PCLO: variants seen among roughly 807,000 people sequenced by gnomAD.
PCLO encodes the protein piccolo presynaptic cytomatrix protein.
Under a neutral mutation model 427.5 loss-of-function variants are expected in PCLO, and 82 were observed. The observed-to-expected ratio is 0.19, with a 90% CI of 0.16 to 0.23. The LOEUF is 0.23. PCLO is among the 10% of genes least tolerant of loss of function. PCLO has a pLI of 1.00. For missense variants in PCLO, 6,239 were observed against 6,115.9 expected (o/e 1.02, Z -0.67); for synonymous variants, 2,357 against 2,155.4 (o/e 1.09, Z -2.59).
rs1790315577 is a variant in PCLO, at chr7:82,756,265, T to C, written c.*2310A>G. The C allele has an allele frequency of 6.6e-6, 1 of 152,054 alleles. No individual in the cohort carries two copies. The highest frequency in any genetic ancestry group is 1.5e-5 in the Non-Finnish European group (1 of 68,010). 9.4% of individuals were successfully genotyped at this position (152,054 alleles called of 1,614,324 possible). On this transcript the variant is annotated 3_prime_UTR_variant, in exon 25 of 25. Transcript: ENST00000333891. ...GAAGGAGATCTCCTTGGACCTTTTC[T>C]TCCCCAATTATGAGTGATGATTATA...
intron 20 of PCLO, among the ~76,000 whole-genome samples, chr7:82,811,079 A>G (rs1489801293): frequency 6.6e-6 from 1 of 151,632 alleles, no homozygotes; most frequent in East Asian, 1.9e-4. Context: ...GGAGTAATTT[A>G]TTATGTAGGT....
chr7:82,966,487 T>A lies in PCLO; in HGVS notation c.3301A>T (p.Ile1101Phe). 6.5e-7 allele frequency: 1 copy of A among 1,544,562 alleles called. No homozygotes were observed. Among genetic ancestry groups the A allele is most frequent in the Non-Finnish European group, 8.7e-7 (1 of 1,144,202 alleles). The change falls in exon 4 of 25, where the codon ATT (isoleucine) becomes TTT (phenylalanine). Residue 1101 changes from isoleucine (I) to phenylalanine (F), a missense_variant and splice_region_variant. Transcript: ENST00000333891. ...GFNPTPHLTE[I>F]QEWLCLNCQT... ...CAATTTAAACAAAGCCATTCTTGAA[T>A]CTGTGGGAAAAAAATTACAATGAAC...
chr7:82,899,637 A>G (rs1793992724), intron 9 of PCLO, among the ~76,000 whole-genome samples: 1 of 151,568 alleles, frequency 6.6e-6, no homozygotes, highest in African/African-American at 2.4e-5. Flanking sequence ...GTACATTACT[A>G]GCAAATTTAT....
intron 22 of PCLO, among the ~76,000 whole-genome samples, chr7:82,800,351 C>G (rs951557382): frequency 8.5e-5 from 13 of 152,210 alleles, no homozygotes; most frequent in Admixed American, 2.6e-4. Flanking sequence ...CTTGTGATAA[C>G]ACACCCATTA....
intron 21 of PCLO, among the ~76,000 whole-genome samples, chr7:82,802,940 T>A (rs568202068): frequency 6.6e-6 from 1 of 152,106 alleles, no homozygotes; most frequent in South Asian, 2.1e-4. Flanking sequence ...AATTCTAGGT[T>A]AAAGGTTTAA....
chr7:82,817,666 G>A (rs770001152), intron 20 of PCLO, among the ~76,000 whole-genome samples: 7 of 152,100 alleles, frequency 4.6e-5, no homozygotes, highest in Non-Finnish European at 7.3e-5. Context: ...TATTGAAAGC[G>A]GAGTTTCCAG....
chr7:82,821,273 G>A, intron 20 of PCLO: 1 of 986,744 alleles, frequency 1.0e-6, no homozygotes, highest in Non-Finnish European at 1.2e-6. Flanking sequence ...GGCATGATTA[G>A]ACTGACCGCT....
chr7:82,839,840 G>A (rs1226402938), intron 14 of PCLO, among the ~76,000 whole-genome samples: 1 of 152,018 alleles, frequency 6.6e-6, no homozygotes, highest in African/African-American at 2.4e-5. Context: ...CTCCAGTGCT[G>A]ATAGATTCAT....
At chr7:83,125,246 G>C (rs1260307550) in intron 3 of PCLO, among the ~76,000 whole-genome samples, 1 of 151,752 alleles carries the variant, frequency 6.6e-6, no homozygotes, top group African/African-American at 2.4e-5. Context: ...GCCTCTGCCC[G>C]GCCGCCACCC....
At chr7:83,121,052 G>A (rs1791264144) in intron 3 of PCLO, among the ~76,000 whole-genome samples, 1 of 152,102 alleles carries the variant, frequency 6.6e-6, no homozygotes, top group Admixed American at 6.6e-5. Flanking sequence ...GGGAGGCCGA[G>A]GTGGGCAGAT....
rs917346340 is a variant in PCLO, at chr7:82,982,025, G to A, written c.3301-15538C>T. Among the ~76,000 whole-genome samples the A allele has an allele frequency of 2.0e-4, 31 of 152,054 alleles. 1 individual carries two copies. The highest frequency in any genetic ancestry group is 7.2e-4 in the African/African-American group (30 of 41,398). On this transcript the variant is annotated intron_variant, in intron 3 of 24. Coordinates refer to ENST00000333891, the MANE Select transcript of PCLO (RefSeq NM_033026.6). ...TAAGCAAGCCATGAGAATGTCCTGTGTGCTCTGTATGTTAATGCATATGTA... is the reference window on the plus strand; with the variant it reads ...TAAGCAAGCCATGAGAATGTCCTGTATGCTCTGTATGTTAATGCATATGTA...
At chr7:83,038,017 A>ATTTATATATT (rs1475193761) in intron 3 of PCLO, among the ~76,000 whole-genome samples, 1 of 44,908 alleles carries the variant, frequency 2.2e-5, no homozygotes, top group Non-Finnish European at 3.5e-5. Context: ...ATATATATAT[A>ATTTATATATT]TATATATATA....
At chr7:82,867,751 G>T (rs1214328009) in intron 10 of PCLO, among the ~76,000 whole-genome samples, 1 of 152,020 alleles carries the variant, frequency 6.6e-6, no homozygotes, top group Non-Finnish European at 1.5e-5. Context: ...ACATAAAACA[G>T]GACATTATTT....
chr7:82,810,190 A>G (rs559410234), intron 20 of PCLO, among the ~76,000 whole-genome samples: 11 of 151,676 alleles, frequency 7.3e-5, no homozygotes, highest in African/African-American at 2.7e-4. Context: ...CACACTAAGT[A>G]TAATCTTCCA....
chr7:82,876,028 T>C (rs1192262908), intron 10 of PCLO, among the ~76,000 whole-genome samples: 2 of 152,050 alleles, frequency 1.3e-5, no homozygotes, highest in African/African-American at 4.8e-5. Flanking sequence ...GGGCACAGTC[T>C]ATATAATTCT....
At chr7:83,037,158 G>C (rs1554382101) in intron 3 of PCLO, among the ~76,000 whole-genome samples, 1 of 152,060 alleles carries the variant, frequency 6.6e-6, no homozygotes, top group Non-Finnish European at 1.5e-5. Flanking sequence ...AAGCAAACCA[G>C]TTTGTGATCA....
intron 3 of PCLO, among the ~76,000 whole-genome samples, chr7:83,040,129 T>A (rs1228145884): frequency 6.6e-6 from 1 of 152,164 alleles, no homozygotes; most frequent in Non-Finnish European, 1.5e-5. Flanking sequence ...TTTTCTTTTT[T>A]GTGCATAATT....
chr7:83,098,360 A>G (rs573934868), intron 3 of PCLO, among the ~76,000 whole-genome samples: 1 of 152,260 alleles, frequency 6.6e-6, no homozygotes, highest in Admixed American at 6.5e-5. Context: ...TGTATTGTTA[A>G]TGATCAAGTA....
intron 11 of PCLO, 105 bp from the exon 12 acceptor site, chr7:82,846,739 G>T: frequency 1.5e-6 from 1 of 674,092 alleles, no homozygotes; most frequent in Non-Finnish European, 2.5e-6. Flanking sequence ...ATGAGAAGTG[G>T]TTAATGATAT....
Sources: allele counts gnomAD v4.1 joint callset (sites outside exome capture counted in the v4.1 genomes callset), GRCh38; gene constraint gnomAD v4.1.1; transcripts MANE v1.5; gene names NCBI Gene and HGNC (gene_info 2026-07-23, HGNC 2026-07-21).